The following PDE10A variants were observed in gnomAD, a reference collection of about 807,000 sequenced individuals.
The protein encoded by PDE10A is cAMP and cAMP-inhibited cGMP 3',5'-cyclic phosphodiesterase 10A.
Under a neutral mutation model 97.7 loss-of-function variants are expected in PDE10A, and 39 were observed. The ratio of observed to expected loss-of-function variants is 0.40; its 90% CI spans 0.31 to 0.52. The LOEUF is 0.52. Ranked by LOEUF, PDE10A falls within the 20% of genes least tolerant of loss-of-function variation. The pLI is 0.56. For synonymous variants in PDE10A, 371 were observed against 376.8 expected, an observed-to-expected ratio of 0.98 and a Z score of 0.18; for missense variants, 731 against 1,047.8, an observed-to-expected ratio of 0.70 and a Z score of 4.17.
intron 1 of PDE10A, among the ~76,000 whole-genome samples, chr6:165,558,540 T>A (rs1440847264): frequency 6.6e-6 from 1 of 152,192 alleles, no homozygotes; most frequent in African/African-American, 2.4e-5. Context: ...AGGTTTTCTA[T>A]ATAAATAAGC....
intron 1 of PDE10A, among the ~76,000 whole-genome samples, chr6:165,593,044 C>A (rs932876553): frequency 6.6e-6 from 1 of 152,126 alleles, no homozygotes; most frequent in African/African-American, 2.4e-5. Context: ...GACTTGGAAC[C>A]AAACCAAATG....
intron 3 of PDE10A, among the ~76,000 whole-genome samples, chr6:165,471,320 C>T (rs988593669): frequency 6.6e-6 from 1 of 152,108 alleles, no homozygotes; most frequent in Non-Finnish European, 1.5e-5. Flanking sequence ...AGGGTTGAGC[C>T]ACACTCACCT....
At chr6:165,715,484 T>TTTAAA (rs972377736) in intron 1 of PDE10A, among the ~76,000 whole-genome samples, 17 of 152,132 alleles carry the variant, frequency 1.1e-4, no homozygotes, top group African/African-American at 4.1e-4. Context: ...AATGCTGTGT[T>TTTAAA]TTGGGTCGGC....
chr6:165,958,563 AAGACAGACAGAAAGAAAGACAGAAAG>A lies in PDE10A; in HGVS notation c.-615+28940_-615+28965del, dbSNP rs1388259826. 6.6e-3 allele frequency among the ~76,000 whole-genome samples: 101 copies of A among 15,286 alleles called. 6 individuals are homozygous for A. Among genetic ancestry groups the A allele is most frequent in the Admixed American group, 9.8e-3 (10 of 1,018 alleles). The allele number at this position is 15,286 out of a possible 152,430, so 10.0% of individuals were successfully genotyped here. On this transcript the variant is annotated intron_variant, in intron 1 of 19. Transcript: ENST00000366882. ...AAAGAAAGAAAGAAAGAAAGAAAGA[AAGACAGACAGAAAGAAAGACAGAAAG>A]AGAGAAAGAAAGAGAGAAAGGAAGG...
In PDE10A at chr6:165,571,375, C is replaced by G. The variant is rs13362776; in HGVS notation, c.866-27807G>C. ...GGGAAACCTAGGAATTCAAGTCCTG[C>G]CAATAGACTGGAACAAGAAATTACA... is the stretch of plus-strand genomic sequence containing the variant. On this transcript the variant is annotated intron_variant, in intron 1 of 21. Coordinates refer to ENST00000539869, the MANE Select transcript of PDE10A (RefSeq NM_001385079.1). 3.3e-3 allele frequency among the ~76,000 whole-genome samples: 504 copies of G among 152,282 alleles called. 5 individuals are homozygous for G. The highest frequency in any genetic ancestry group is 0.011 in the African/African-American group (478 of 41,566).
At chr6:165,613,135 C>T (rs1353496114) in intron 1 of PDE10A, among the ~76,000 whole-genome samples, 1 of 152,066 alleles carries the variant, frequency 6.6e-6, no homozygotes, top group Admixed American at 6.5e-5. Context: ...GATTCTATCC[C>T]TTGAATTACA....
intron 18 of PDE10A, among the ~76,000 whole-genome samples, chr6:165,347,806 A>G (rs942636215): frequency 6.6e-6 from 1 of 152,216 alleles, no homozygotes; most frequent in Non-Finnish European, 1.5e-5. Flanking sequence ...GGCTGCTGCC[A>G]CATTTGGGAA....
chr6:165,719,191 A>C (rs995848940), intron 1 of PDE10A, among the ~76,000 whole-genome samples: 1 of 152,226 alleles, frequency 6.6e-6, no homozygotes, highest in African/African-American at 2.4e-5. Flanking sequence ...AGAAATTATT[A>C]AAGAAGTAAC....
At position 165,636,929 on chromosome 6, in the gene PDE10A, A is replaced by G. The variant is rs189904325; in HGVS notation, c.865+25018T>C. Among the ~76,000 whole-genome samples the G allele has an allele frequency of 2.6e-5, 4 of 152,284 alleles. No homozygotes were observed. In the East Asian group the frequency reaches 7.7e-4, roughly 29 times the overall value. ...GATCTCAATAGCCTGCCTCTCTAACAAGACTGCCATGACCCACCTGAGACG... is the reference window on the plus strand; with the variant it reads ...GATCTCAATAGCCTGCCTCTCTAACGAGACTGCCATGACCCACCTGAGACG... On this transcript the variant is annotated intron_variant, in intron 1 of 21. Transcript: ENST00000539869.
chr6:165,974,965 G>A (rs767348083), intron 1 of PDE10A, among the ~76,000 whole-genome samples: 17 of 152,138 alleles, frequency 1.1e-4, no homozygotes, highest in Non-Finnish European at 2.4e-4. Flanking sequence ...TGGGTTAACC[G>A]GGACAAGGTA....
intron 21 of PDE10A, among the ~76,000 whole-genome samples, chr6:165,334,355 G>C (rs1004199971): frequency 1.3e-5 from 2 of 151,098 alleles, no homozygotes; most frequent in Non-Finnish European, 2.9e-5. Context: ...ACAGCGCCGG[G>C]CACGCGCCTC....
chr6:165,620,008 C>A (rs759197301), intron 1 of PDE10A, among the ~76,000 whole-genome samples: 3 of 152,116 alleles, frequency 2.0e-5, no homozygotes, highest in African/African-American at 2.4e-5. Flanking sequence ...AAGTCTCAAC[C>A]TACAGTAATC....
intron 1 of PDE10A, among the ~76,000 whole-genome samples, chr6:165,730,375 A>G (rs1395442660): frequency 6.6e-6 from 1 of 152,198 alleles, no homozygotes; most frequent in African/African-American, 2.4e-5. Context: ...TGTCAAATAA[A>G]TCACGTCCCC....
intron 1 of PDE10A, among the ~76,000 whole-genome samples, chr6:165,910,350 C>A (rs539317425): frequency 6.6e-6 from 1 of 152,192 alleles, no homozygotes; most frequent in Non-Finnish European, 1.5e-5. Context: ...CCCTCCCTGA[C>A]GAACAGATGG....
chr6:165,340,122 TG>T (rs1385025624), intron 19 of PDE10A, among the ~76,000 whole-genome samples: 1 of 152,232 alleles, frequency 6.6e-6, no homozygotes, highest in Non-Finnish European at 1.5e-5. Context: ...CTAAGTAATT[TG>T]TAAATATTAT....
intron 18 of PDE10A, among the ~76,000 whole-genome samples, chr6:165,372,049 A>C (rs1397399828): frequency 1.3e-5 from 2 of 150,858 alleles, no homozygotes; most frequent in African/African-American, 2.5e-5. Context: ...AAAAACTCTC[A>C]ATAAATTAGG....
At chr6:165,569,112 T>C (rs1784927636) in intron 1 of PDE10A, among the ~76,000 whole-genome samples, 1 of 152,238 alleles carries the variant, frequency 6.6e-6, no homozygotes, top group African/African-American at 2.4e-5. Context: ...AATTCTAATA[T>C]TCTGGAATAA....
intron 1 of PDE10A, among the ~76,000 whole-genome samples, chr6:165,925,182 G>T (rs969405240): frequency 2.0e-5 from 3 of 152,134 alleles, no homozygotes; most frequent in African/African-American, 7.2e-5. Flanking sequence ...GCAGATTAAA[G>T]CCTCAATGAG....
chr6:165,769,547 T>G (rs1467267041), intron 1 of PDE10A, among the ~76,000 whole-genome samples: 20 of 152,194 alleles, frequency 1.3e-4, no homozygotes, highest in Admixed American at 1.3e-3. Context: ...TATGCAGACT[T>G]CTGGCTGCAC....
Sources: allele counts gnomAD v4.1 joint callset (sites outside exome capture counted in the v4.1 genomes callset), GRCh38; gene constraint gnomAD v4.1.1; transcripts MANE v1.5; gene names NCBI Gene and HGNC (gene_info 2026-07-23, HGNC 2026-07-21).